ARHGDIB: variants seen among roughly 807,000 people sequenced by gnomAD.
ARHGDIB encodes rho GDP-dissociation inhibitor 2.
A neutral mutation model predicts 22.6 loss-of-function variants in ARHGDIB; 20 were observed. The observed-to-expected ratio is 0.88, with a 90% CI of 0.62 to 1.28. ARHGDIB has a LOEUF of 1.28. Among genes scored for constraint, ARHGDIB ranks in the 50% most tolerant of loss-of-function variants. The probability of loss-of-function intolerance (pLI) is 0.00; values close to 1 mark genes in which losing one functional copy is unlikely to be tolerated. For missense variants in ARHGDIB, 254 were observed against 245.4 expected (o/e 1.04, Z -0.23); for synonymous variants, 114 against 96.1 (o/e 1.19, Z -1.09).
In ARHGDIB at chr12:14,942,624, C is replaced by T. The variant is rs4703; in HGVS notation, c.504G>A (p.Ala168=). Residue 168 remains alanine (A), a synonymous_variant, in exon 6 of 6, where the codon GCG becomes GCA. Coordinates refer to ENST00000228945, the MANE Select transcript of ARHGDIB (RefSeq NM_001175.7). ...PVEEAPKGML[A]RGTYHNKSFF... ...AGGACTTGTTGTGGTACGTGCCTCGCGCCAGCATGCCCTTGGGAGCCTCCT... is the reference window on the plus strand; with the variant it reads ...AGGACTTGTTGTGGTACGTGCCTCGTGCCAGCATGCCCTTGGGAGCCTCCT... 39 of 1,613,960 alleles carry T rather than the reference C, an allele frequency of 2.4e-5. No individual in the cohort carries two copies. Among genetic ancestry groups the T allele is most frequent in the Admixed American group, 1.5e-4 (9 of 60,010 alleles).
chr12:14,961,026 C>T (rs1864400561), intron 1 of ARHGDIB: 1 of 152,140 alleles, frequency 6.6e-6, no homozygotes, highest in African/African-American at 2.4e-5. Flanking sequence ...TAGTGGAAGA[C>T]AGTTTAATAT....
At chr12:14,957,098 A>G (rs1403442427) in intron 1 of ARHGDIB, among the ~76,000 whole-genome samples, 1 of 152,218 alleles carries the variant, frequency 6.6e-6, no homozygotes, top group African/African-American at 2.4e-5. Flanking sequence ...GGTGACTTTC[A>G]TGTCTCATAG....
intron 4 of ARHGDIB, 34 bp from the exon 5 acceptor site, chr12:14,944,873 A>C: frequency 6.3e-7 from 1 of 1,594,176 alleles, no homozygotes; most frequent in Admixed American, 1.7e-5. Flanking sequence ...TGTTCAGATT[A>C]AGAGGGTCTT....
At chr12:14,953,550 T>C (rs1773295351) in intron 1 of ARHGDIB, among the ~76,000 whole-genome samples, 1 of 152,204 alleles carries the variant, frequency 6.6e-6, no homozygotes, top group Admixed American at 6.5e-5. Context: ...AGGGCCCACC[T>C]GGTTTGGTTG....
chr12:14,953,598 T>A (rs1191701160), intron 1 of ARHGDIB, among the ~76,000 whole-genome samples: 2 of 151,680 alleles, frequency 1.3e-5, no homozygotes, highest in African/African-American at 2.4e-5. Flanking sequence ...GTCTCTTTTT[T>A]AAAAATCTGA....
At chr12:14,951,878 C>T (rs1400913097) in intron 1 of ARHGDIB, among the ~76,000 whole-genome samples, 1 of 151,886 alleles carries the variant, frequency 6.6e-6, no homozygotes, top group Non-Finnish European at 1.5e-5. Flanking sequence ...GAGAATTGCC[C>T]AGGTTCACAC....
At chr12:14,955,417 A>G (rs1261542244) in intron 1 of ARHGDIB, among the ~76,000 whole-genome samples, 2 of 152,268 alleles carry the variant, frequency 1.3e-5, no homozygotes, top group East Asian at 3.8e-4. Flanking sequence ...TCGGGAATAC[A>G]TAAATACCTC....
chr12:14,947,130 T>C (rs996165990), intron 4 of ARHGDIB, among the ~76,000 whole-genome samples: 1 of 152,180 alleles, frequency 6.6e-6, no homozygotes, highest in Admixed American at 6.5e-5. Context: ...TGAGGCTAAG[T>C]GGGAATGAGA....
intron 1 of ARHGDIB, among the ~76,000 whole-genome samples, chr12:14,958,696 T>C (rs536191579): frequency 6.6e-6 from 1 of 152,326 alleles, no homozygotes; most frequent in African/African-American, 2.4e-5. Context: ...GCATGAAAAG[T>C]TAGACAGAAT....
intron 1 of ARHGDIB, among the ~76,000 whole-genome samples, chr12:14,958,338 GA>G (rs1864343157): frequency 6.6e-6 from 1 of 152,096 alleles, no homozygotes; most frequent in Non-Finnish European, 1.5e-5. Flanking sequence ...AACTGGATGA[GA>G]AAAACCAAAG....
chr12:14,945,289 A>G (rs1414019183), intron 4 of ARHGDIB, among the ~76,000 whole-genome samples: 1 of 152,214 alleles, frequency 6.6e-6, no homozygotes, highest in African/African-American at 2.4e-5. Flanking sequence ...TGATCCACTT[A>G]CCATATAAAA....
chr12:14,945,382 C>A (rs1416123302), intron 4 of ARHGDIB, among the ~76,000 whole-genome samples: 2 of 152,216 alleles, frequency 1.3e-5, no homozygotes, highest in African/African-American at 4.8e-5. Context: ...GGGTGAAATT[C>A]ACTTGTATCT....
intron 1 of ARHGDIB, among the ~76,000 whole-genome samples, chr12:14,960,224 A>G (rs1864383297): frequency 6.6e-6 from 1 of 152,164 alleles, no homozygotes; most frequent in African/African-American, 2.4e-5. Flanking sequence ...CCAGACACAC[A>G]CCTCAAGTTA....
chr12:14,959,100 G>A (rs1864358263), intron 1 of ARHGDIB, among the ~76,000 whole-genome samples: 2 of 152,188 alleles, frequency 1.3e-5, no homozygotes, highest in African/African-American at 2.4e-5. Flanking sequence ...TTCAGCTCGG[G>A]TGACAGAGTG....
intron 4 of ARHGDIB, among the ~76,000 whole-genome samples, chr12:14,946,311 A>C (rs1864013683): frequency 2.0e-5 from 3 of 152,252 alleles, no homozygotes; most frequent in Admixed American, 2.0e-4. Flanking sequence ...TCAGGTTTTT[A>C]GAAAGTGCTA....
intron 4 of ARHGDIB, chr12:14,947,605 C>T (rs908149574): frequency 1.3e-5 from 5 of 383,654 alleles, no homozygotes; most frequent in Admixed American, 8.3e-5. Context: ...GTGTGTGCCT[C>T]GAGGATGTGT....
At chr12:14,955,757 A>G (rs1306073141) in intron 1 of ARHGDIB, among the ~76,000 whole-genome samples, 1 of 152,214 alleles carries the variant, frequency 6.6e-6, no homozygotes, top group Non-Finnish European at 1.5e-5. Context: ...ACAAACAACA[A>G]TTTTCTCTTT....
intron 4 of ARHGDIB, among the ~76,000 whole-genome samples, chr12:14,946,548 G>A (rs553040183): frequency 6.6e-6 from 1 of 152,258 alleles, no homozygotes; most frequent in East Asian, 1.9e-4. Context: ...ACTTTACGTA[G>A]GTTACCCAGA....
chr12:14,957,384 T>C (rs1864324423), intron 1 of ARHGDIB, among the ~76,000 whole-genome samples: 1 of 152,206 alleles, frequency 6.6e-6, no homozygotes, highest in Admixed American at 6.5e-5. Context: ...TGAAGCTAGG[T>C]AACTGTTTCC....
Sources: gnomAD v4.1 joint callset for allele counts (sites outside exome capture counted in the v4.1 genomes callset) on GRCh38, gnomAD v4.1.1 for gene constraint, MANE v1.5 for transcripts, NCBI Gene and HGNC (gene_info 2026-07-23, HGNC 2026-07-21) for gene names.